TAFA2: variants seen among roughly 807,000 people sequenced by gnomAD.
TAFA2 encodes chemokine-like protein TAFA-2.
A neutral mutation model predicts 18.8 loss-of-function variants in TAFA2; 7 were observed. The ratio of observed to expected loss-of-function variants is 0.37; its 90% confidence interval spans 0.21 to 0.70. The LOEUF is 0.70. Among genes scored for constraint, TAFA2 ranks in the 30% least tolerant of loss-of-function variants. The pLI is 0.53. For missense variants in TAFA2, 122 were observed against 158.1 expected (o/e 0.77, Z 1.23); for synonymous variants, 60 against 54.2 (o/e 1.11, Z -0.47).
At chr12:61,879,484 G>A (rs979001163) in intron 1 of TAFA2, 26 of 690,034 alleles carry the variant, frequency 3.8e-5, no homozygotes, top group Middle Eastern at 3.9e-4. Context: ...AGGCTTTGGC[G>A]GGGCCAGCGG....
chr12:62,130,008 A>G (rs1286695716), intron 1 of TAFA2, among the ~76,000 whole-genome samples: 6 of 152,060 alleles, frequency 3.9e-5, no homozygotes, highest in African/African-American at 1.4e-4. Context: ...TATCAGATTA[A>G]CCCATAAATC....
At chr12:62,047,803 TC>T (rs1276676135) in intron 1 of TAFA2, among the ~76,000 whole-genome samples, 1 of 152,092 alleles carries the variant, frequency 6.6e-6, no homozygotes, top group African/African-American at 2.4e-5. Flanking sequence ...AGATTATAGT[TC>T]CAGATTCCAA....
intron 2 of TAFA2, among the ~76,000 whole-genome samples, chr12:61,843,950 A>C (rs992776453): frequency 3.3e-5 from 5 of 152,142 alleles, no homozygotes; most frequent in African/African-American, 4.8e-5. Flanking sequence ...AACTGAGTCA[A>C]TATGGTTACT....
At chr12:61,955,600 CAAAAAAAAAAAAAAAAAAAAA>C (rs869189343) in intron 1 of TAFA2, among the ~76,000 whole-genome samples, 10 of 38,930 alleles carry the variant, frequency 2.6e-4, no homozygotes, top group African/African-American at 1.3e-3. Flanking sequence ...GACTCCATCT[CAAAAAAAAAAAAAAAAAAAAA>C]AAAAAAAAAA....
chr12:62,129,293 G>A (rs564012803), intron 1 of TAFA2, among the ~76,000 whole-genome samples: 12 of 152,058 alleles, frequency 7.9e-5, no homozygotes, highest in African/African-American at 2.9e-4. Context: ...TATTTTTAAA[G>A]GAGATTAAAA....
chr12:62,211,318 G>A (rs192588049), intron 1 of TAFA2, among the ~76,000 whole-genome samples: 7 of 152,292 alleles, frequency 4.6e-5, no homozygotes, highest in Admixed American at 3.3e-4. Context: ...AGTGGCTCAT[G>A]CCTGTAATCC....
At chr12:62,101,646 CA>C (rs1869208520) in intron 1 of TAFA2, among the ~76,000 whole-genome samples, 1 of 152,224 alleles carries the variant, frequency 6.6e-6, no homozygotes, top group Admixed American at 6.5e-5. Flanking sequence ...CTACCCTACA[CA>C]GTAAGTTCTA....
intron 1 of TAFA2, among the ~76,000 whole-genome samples, chr12:62,091,054 T>C (rs1868689952): frequency 6.6e-6 from 1 of 152,034 alleles, no homozygotes; most frequent in African/African-American, 2.4e-5. Flanking sequence ...CAACAGGTAT[T>C]TGTTGAGTGC....
intron 1 of TAFA2, among the ~76,000 whole-genome samples, chr12:61,996,282 A>C (rs1228236814): frequency 6.6e-6 from 1 of 152,168 alleles, no homozygotes; most frequent in Non-Finnish European, 1.5e-5. Flanking sequence ...ACTAAAAGGA[A>C]ACAGTGAAGA....
At chr12:62,205,881 A>G (rs927888245) in intron 1 of TAFA2, among the ~76,000 whole-genome samples, 1 of 152,058 alleles carries the variant, frequency 6.6e-6, no homozygotes, top group Non-Finnish European at 1.5e-5. Context: ...GGATCTTCTG[A>G]TTCATGGGTT....
intron 1 of TAFA2, among the ~76,000 whole-genome samples, chr12:62,232,616 A>G (rs184464911): frequency 6.6e-6 from 1 of 151,976 alleles, no homozygotes; most frequent in East Asian, 1.9e-4. Flanking sequence ...GGTTCAAGCA[A>G]TTTTCCCATC....
intron 1 of TAFA2, among the ~76,000 whole-genome samples, chr12:62,159,323 T>C (rs555739880): frequency 2.6e-5 from 4 of 152,316 alleles, no homozygotes; most frequent in Non-Finnish European, 2.9e-5. Context: ...TGGCCATTAA[T>C]AAAAATATTT....
chr12:62,164,926 G>C (rs761577380), intron 1 of TAFA2, among the ~76,000 whole-genome samples: 1 of 152,032 alleles, frequency 6.6e-6, no homozygotes, highest in East Asian at 1.9e-4. Context: ...CTCTTCAACA[G>C]TCCAATTTAC....
chr12:61,950,971 G>A (rs1161018023), intron 1 of TAFA2, among the ~76,000 whole-genome samples: 2 of 152,084 alleles, frequency 1.3e-5, no homozygotes, highest in Non-Finnish European at 2.9e-5. Context: ...CTTTGGACTG[G>A]AGCCTATTGA....
At chr12:61,978,103 C>G (rs868151978) in intron 1 of TAFA2, among the ~76,000 whole-genome samples, 1 of 152,028 alleles carries the variant, frequency 6.6e-6, no homozygotes, top group Non-Finnish European at 1.5e-5. Context: ...TGACTCTGTG[C>G]AAGTTACTCA....
chr12:62,180,824 C>T (rs2136951031), intron 1 of TAFA2, among the ~76,000 whole-genome samples: 1 of 152,182 alleles, frequency 6.6e-6, no homozygotes, highest in Non-Finnish European at 1.5e-5. Flanking sequence ...AATCCCAGTT[C>T]ATGATAAATT....
At chr12:61,940,953 A>G (rs1353665714) in intron 1 of TAFA2, among the ~76,000 whole-genome samples, 1 of 152,218 alleles carries the variant, frequency 6.6e-6, no homozygotes, top group Non-Finnish European at 1.5e-5. Context: ...ATATGTGGCT[A>G]CTGAATACTT....
chr12:62,183,876 A>G (rs1276230611), intron 1 of TAFA2, among the ~76,000 whole-genome samples: 1 of 152,234 alleles, frequency 6.6e-6, no homozygotes, highest in East Asian at 1.9e-4. Context: ...TGATCGAACT[A>G]ATTTTATTTC....
At position 61,857,346 on chromosome 12, in the gene TAFA2, C is replaced by T. The variant is rs528176767; in HGVS notation, c.106+9974G>A. Reference sequence around the variant, plus strand: ...ATATAAATAAGACACTATGTCTAGACCTTCTCATTTAATAAGGATATTCAA... The same window carrying T: ...ATATAAATAAGACACTATGTCTAGATCTTCTCATTTAATAAGGATATTCAA... On this transcript the variant is annotated intron_variant, in intron 2 of 4. Transcript: ENST00000416284. 2.6e-5 allele frequency among the ~76,000 whole-genome samples: 4 copies of T among 152,128 alleles called. No individual in the cohort carries two copies. The South Asian group carries it at 8.3e-4, about 32-fold the overall frequency.
Sources: gnomAD v4.1 joint callset for allele counts (sites outside exome capture counted in the v4.1 genomes callset) on GRCh38, gnomAD v4.1.1 for gene constraint, MANE v1.5 for transcripts, NCBI Gene and HGNC (gene_info 2026-07-23, HGNC 2026-07-21) for gene names.